Variants in ROCK1 observed in about 807,000 individuals in gnomAD.
The protein encoded by ROCK1 is rho-associated protein kinase 1.
Under a neutral mutation model 196.8 loss-of-function variants are expected in ROCK1, and 36 were observed. The observed-to-expected ratio is 0.18, with a 90% confidence interval of 0.14 to 0.24. The LOEUF is 0.24. Among genes scored for constraint, ROCK1 ranks in the 10% least tolerant of loss-of-function variants. ROCK1 has a pLI of 1.00. For missense variants in ROCK1, 920 were observed against 1,562.0 expected (o/e 0.59, Z 6.93); for synonymous variants, 443 against 515.9 (o/e 0.86, Z 1.91).
At chr18:20,981,575 T>C (rs1424935486) in intron 21 of ROCK1, among the ~76,000 whole-genome samples, 1 of 152,196 alleles carries the variant, frequency 6.6e-6, no homozygotes, top group African/African-American at 2.4e-5. Flanking sequence ...CAGAGTGAAC[T>C]TCCAGTTCTG....
At chr18:20,964,238 T>C (rs943661621) in intron 27 of ROCK1, among the ~76,000 whole-genome samples, 3 of 152,336 alleles carry the variant, frequency 2.0e-5, no homozygotes, top group Admixed American at 6.5e-5. Flanking sequence ...TATATTCATT[T>C]ACTTATTTTC....
chr18:20,982,694 A>G (rs1330060938), intron 21 of ROCK1, 69 bp downstream of exon 21: 14 of 742,110 alleles, frequency 1.9e-5, no homozygotes, highest in Non-Finnish European at 2.9e-5. Flanking sequence ...TTCACATAAA[A>G]GAATCTAAAT....
chr18:21,091,673 T>C (rs1325802657), intron 1 of ROCK1, among the ~76,000 whole-genome samples: 1 of 151,960 alleles, frequency 6.6e-6, no homozygotes, highest in Non-Finnish European at 1.5e-5. Flanking sequence ...GTAAGGCTGT[T>C]AATTGTTAAA....
intron 29 of ROCK1, among the ~76,000 whole-genome samples, chr18:20,959,085 TTTTATATA>T: frequency 3.0e-5 from 1 of 33,712 alleles, no homozygotes; most frequent in South Asian, 7.7e-4. Context: ...AATATATATA[TTTTATATA>T]ATATATATAT....
At chr18:21,096,374 T>C (rs2036613326) in intron 1 of ROCK1, among the ~76,000 whole-genome samples, 1 of 151,966 alleles carries the variant, frequency 6.6e-6, no homozygotes, top group South Asian at 2.1e-4. Flanking sequence ...CTAACTTTTG[T>C]ATTTTTAGTA....
intron 22 of ROCK1, 81 bp from the exon 23 acceptor site, chr18:20,970,594 T>C: frequency 1.1e-6 from 1 of 912,870 alleles, no homozygotes. Flanking sequence ...AAAAACACAA[T>C]TAACTTTAAA....
intron 16 of ROCK1, among the ~76,000 whole-genome samples, chr18:20,995,487 G>A (rs2035662997): frequency 6.6e-6 from 1 of 152,116 alleles, no homozygotes; most frequent in South Asian, 2.1e-4. Context: ...GCAGGCTCTT[G>A]GGGGTCCCCA....
intron 27 of ROCK1, among the ~76,000 whole-genome samples, chr18:20,963,644 T>C (rs2035347004): frequency 6.6e-6 from 1 of 152,116 alleles, no homozygotes; most frequent in South Asian, 2.1e-4. Flanking sequence ...AATACCAAGT[T>C]TTCCTAATCC....
intron 1 of ROCK1, among the ~76,000 whole-genome samples, chr18:21,108,567 C>T (rs942097222): frequency 1.3e-5 from 2 of 152,150 alleles, no homozygotes; most frequent in African/African-American, 4.8e-5. Context: ...CCTGACTTTG[C>T]TATTTTTACC....
At chr18:21,056,705 G>C (rs1386903872) in intron 2 of ROCK1, among the ~76,000 whole-genome samples, 14 of 152,130 alleles carry the variant, frequency 9.2e-5, no homozygotes, top group Admixed American at 9.2e-4. Context: ...AAAAGCCCAA[G>C]ATTTTACAAT....
chr18:21,093,255 C>T (rs2036586044), intron 1 of ROCK1, among the ~76,000 whole-genome samples: 1 of 152,150 alleles, frequency 6.6e-6, no homozygotes, highest in African/African-American at 2.4e-5. Context: ...TGGTGGACAA[C>T]ACCAAAGAAG....
chr18:20,954,738 A>G (rs764941761), intron 31 of ROCK1, 45 bp downstream of exon 31: 2 of 1,535,778 alleles, frequency 1.3e-6, no homozygotes, highest in South Asian at 2.6e-5. Flanking sequence ...TTGAGACTTA[A>G]AATTAAATTT....
intron 2 of ROCK1, among the ~76,000 whole-genome samples, chr18:21,065,979 T>G (rs752977613): frequency 8.0e-4 from 122 of 152,294 alleles, no homozygotes; most frequent in Non-Finnish European, 1.4e-3. Context: ...CTGAATTTTT[T>G]AAAGAAAAAT....
intron 2 of ROCK1, among the ~76,000 whole-genome samples, chr18:21,062,068 A>G (rs905860880): frequency 3.2e-4 from 49 of 152,202 alleles, no homozygotes; most frequent in Admixed American, 2.2e-3. Flanking sequence ...ATGCATACAT[A>G]TATTTCCTAG....
At chr18:20,962,143 T>C (rs1158179761) in intron 27 of ROCK1, among the ~76,000 whole-genome samples, 3 of 152,284 alleles carry the variant, frequency 2.0e-5, no homozygotes, top group Non-Finnish European at 2.9e-5. Flanking sequence ...TTGTAAATAG[T>C]GGTTCCAGTT....
At position 20,991,212 on chromosome 18, in the gene ROCK1, G is replaced by C. The variant is rs764295785; in HGVS notation, c.2107C>G (p.Gln703Glu). ...ACAGACTTTGCCTCTTCAATAGATTGATGTTTGTCAGTTAAACGAGCTTTG... is the reference window on the plus strand; with the variant it reads ...ACAGACTTTGCCTCTTCAATAGATTCATGTTTGTCAGTTAAACGAGCTTTG... ...VTKARLTDKH[Q>E]SIEEAKSVAM... Residue 703 changes from glutamine (Q) to glutamate (E), a missense_variant, in exon 18 of 33, where the codon CAA becomes GAA. Around this residue, in one of 6 missense-constraint regions of ROCK1, gnomAD observed 520 missense variants for 657.1 expected, o/e 0.79. Coordinates refer to ENST00000399799, the MANE Select transcript of ROCK1 (RefSeq NM_005406.3). The C allele has an allele frequency of 1.2e-6, 2 of 1,612,344 alleles. No individual in the cohort carries two copies. The highest frequency in any genetic ancestry group is 1.7e-6 in the Non-Finnish European group (2 of 1,179,504).
rs2035146255 is a variant in ROCK1, at chr18:20,948,018, G to A, written c.*3366C>T. On this transcript the variant is annotated 3_prime_UTR_variant, in exon 33 of 33. Coordinates refer to ENST00000399799, the MANE Select transcript of ROCK1 (RefSeq NM_005406.3). ...CCAGCTACTCGGGAGTCTGAGGCAG[G>A]AGGATCACTTGAACCTGGGAGGCGG... 2 of 152,074 alleles carry A rather than the reference G, an allele frequency of 1.3e-5. No individual in the cohort carries two copies. Among genetic ancestry groups the A allele is most frequent in the African/African-American group, 2.4e-5 (1 of 41,398 alleles). The allele number at this position is 152,074 out of a possible 1,614,324, so 9.4% of individuals were successfully genotyped here.
intron 16 of ROCK1, among the ~76,000 whole-genome samples, chr18:20,993,169 C>T (rs1299664347): frequency 2.6e-5 from 4 of 152,152 alleles, no homozygotes; most frequent in Admixed American, 6.5e-5. Flanking sequence ...AGAGATGAAG[C>T]CTCAGCTTGA....
chr18:21,022,054 T>C (rs1052522423), intron 11 of ROCK1, among the ~76,000 whole-genome samples: 28 of 152,096 alleles, frequency 1.8e-4, no homozygotes, highest in African/African-American at 6.8e-4. Flanking sequence ...AGTCAATATA[T>C]CAAGGAGAAA....
Sources: allele counts gnomAD v4.1 joint callset (sites outside exome capture counted in the v4.1 genomes callset), GRCh38; gene constraint gnomAD v4.1.1; regional missense constraint gnomAD v4.1.1; transcripts MANE v1.5; gene names NCBI Gene and HGNC (gene_info 2026-07-23, HGNC 2026-07-21).